The following KRTCAP2 variants were observed in gnomAD, a reference collection of about 807,000 sequenced individuals.
KRTCAP2 encodes keratinocyte associated protein 2, also known as dolichyl-diphosphooligosaccharide--protein glycosyltransferase subunit KCP2.
Under a neutral mutation model 16.5 loss-of-function variants are expected in KRTCAP2, and 10 were observed. The observed-to-expected ratio is 0.60, with a 90% CI of 0.37 to 1.02. The LOEUF (loss-of-function observed/expected upper bound fraction) is 1.02, where lower values mean the gene tolerates loss of function less well. KRTCAP2 is among the 50% of genes least tolerant of loss of function. The pLI, the probability that KRTCAP2 is intolerant of heterozygous loss-of-function variation, is 0.01. For synonymous variants in KRTCAP2, 68 were observed against 69.8 expected (o/e 0.97, Z 0.13); for missense variants, 152 against 159.6 (o/e 0.95, Z 0.26).
rs779612494 is a variant in KRTCAP2, at chr1:155,172,864, G to C, written c.33C>G (p.Leu11=). ...AGAGCAGCAGGGACAGGAGGGAGGA[G>C]AGCGCCAGCGAGGTGCCCGTACCCA... The part of the protein sequence containing the change: MVVGTGTSLA[L]SSLLSLLLFA... The change falls in exon 2 of 5, where the codon CTC becomes CTG. Residue 11 remains leucine (L), a synonymous_variant. Transcript: ENST00000295682. 8 of 1,614,136 alleles carry C rather than the reference G, an allele frequency of 5.0e-6. No homozygotes were observed. The highest frequency in any genetic ancestry group is 1.1e-5 in the South Asian group (1 of 91,084).
chr1:155,172,305 T>C (rs887968995), intron 3 of KRTCAP2: 2 of 1,332,452 alleles, frequency 1.5e-6, no homozygotes, highest in African/African-American at 3.0e-5. Context: ...CAGCCCAAAT[T>C]TGCCTGTTCC....
At position 155,173,236 on chromosome 1, in the gene KRTCAP2, C is replaced by T. The variant is rs144579240; in HGVS notation, c.-12G>A. 9.2e-5 allele frequency: 148 copies of T among 1,613,986 alleles called. 1 individual carries two copies. The South Asian group carries it at 1.5e-3, about 17-fold the overall frequency. ...GTCCTGTTACCCATCATGCCCCGCC[C>T]GTGAGTCCAACCGGCGCCTCTGGCC... On this transcript the variant is annotated 5_prime_UTR_variant, in exon 1 of 5. Transcript: ENST00000295682.
At chr1:155,170,169 A>C in intron 3 of KRTCAP2, 1 of 232,244 alleles carries the variant, frequency 4.3e-6, no homozygotes, top group Non-Finnish European at 8.6e-6. Flanking sequence ...AAAAAAAAAA[A>C]TTGAATTAAA....
At chr1:155,172,443 C>T (rs1665285611) in intron 3 of KRTCAP2, 122 bp downstream of exon 3, 1 of 1,556,088 alleles carries the variant, frequency 6.4e-7, no homozygotes, top group Admixed American at 1.9e-5. Flanking sequence ...TGTCTTCAGA[C>T]AGCTTCAGTA....
rs1369810949 is a variant in KRTCAP2, at chr1:155,169,885, C to T, written c.224-28G>A. ...AGGGAGGCAAGAAGAACAAGGAGGG[C>T]AACGGTCAGAATGGAAATACTAGGC... On this transcript the variant is annotated intron_variant, in intron 3 of 4. Transcript: ENST00000295682. 6 of 1,496,222 alleles carry T rather than the reference C, an allele frequency of 4.0e-6. No homozygotes were observed. The East Asian group carries it at 9.5e-5, about 24-fold the overall frequency. 92.7% of individuals were successfully genotyped at this position (1,496,222 alleles called of 1,614,324 possible).
chr1:155,171,738 G>T, intron 3 of KRTCAP2: 1 of 527,176 alleles, frequency 1.9e-6, no homozygotes, highest in Non-Finnish European at 2.4e-6. Flanking sequence ...CTCACTGGTA[G>T]TCCCAGCTAC....
intron 3 of KRTCAP2, chr1:155,171,990 A>G: frequency 1.0e-6 from 1 of 988,308 alleles, no homozygotes; most frequent in Non-Finnish European, 1.2e-6. Flanking sequence ...TGGCCTTGAC[A>G]CTTAATTTGC....
rs745791834 is a variant in KRTCAP2, at chr1:155,173,242, T to C, written c.-18A>G. On this transcript the variant is annotated 5_prime_UTR_variant, in exon 1 of 5. Transcript: ENST00000295682. ...TTACCCATCATGCCCCGCCCGTGAG[T>C]CCAACCGGCGCCTCTGGCCAAGAAA... 1 of 1,613,972 alleles carries C rather than the reference T, an allele frequency of 6.2e-7. No homozygotes were observed. The highest frequency in any genetic ancestry group is 8.5e-7 in the Non-Finnish European group (1 of 1,180,008).
At position 155,169,490 on chromosome 1, in the gene KRTCAP2, G is replaced by A. The variant is rs1169758552; in HGVS notation, c.361C>T (p.Pro121Ser). 1.9e-6 allele frequency: 3 copies of A among 1,614,122 alleles called. No homozygotes were observed. Among genetic ancestry groups the A allele is most frequent in the Middle Eastern group, 1.7e-4 (1 of 6,060 alleles). The change falls in exon 5 of 5, where the codon CCA (proline) becomes TCA (serine). Residue 121 changes from proline (P) to serine (S), a missense_variant. Physicochemically the swap from Pro to Ser is moderately conservative, Grantham distance 74. Transcript: ENST00000295682. ...ISSTLYQAAA[P>S]VLTPAKVTGK... ...GTGACCTTGGCTGGTGTGAGGACTG[G>A]AGCTGCTGCCTGGTACAGGGTGGAG...
intron 1 of KRTCAP2, 39 bp from the exon 2 acceptor site, chr1:155,172,931 G>T: frequency 6.2e-7 from 1 of 1,605,244 alleles, no homozygotes. Context: ...GTCAGGCTCC[G>T]CCCTCCCTCC....
intron 3 of KRTCAP2, chr1:155,170,357 A>AT (rs2147766578): frequency 6.6e-6 from 1 of 152,634 alleles, no homozygotes; most frequent in Non-Finnish European, 1.5e-5. Context: ...AAAAAAAAAA[A>AT]AAAAGAACAT....
intron 1 of KRTCAP2, 31 bp from the exon 2 acceptor site, chr1:155,172,923 C>G: frequency 6.2e-7 from 1 of 1,608,798 alleles, no homozygotes; most frequent in Non-Finnish European, 8.5e-7. Context: ...GACGGAGAGT[C>G]AGGCTCCGCC....
intron 3 of KRTCAP2, chr1:155,171,970 T>G: frequency 1.0e-6 from 1 of 987,036 alleles, no homozygotes; most frequent in Non-Finnish European, 1.2e-6. Context: ...GTGGCATTCC[T>G]TAAGTAATCT....
rs1179282796 is a variant in KRTCAP2 at position 155,172,792 on chromosome 1, C to T, written c.105G>A (p.Trp35Ter). ...MYSRQLASTE[W>*]LTIQGGLLGS... ...CAAGCAGGCCGCCCTGGATGGTGAG[C>T]CACTCGGTGGAGGCCAGCTGACGGC... The change falls in exon 2 of 5, where the codon TGG becomes TGA. Residue 35 changes from tryptophan to a stop codon, truncating the protein, a stop_gained. Transcript: ENST00000295682. LOFTEE classifies it high-confidence loss of function. 1 of 1,614,238 alleles carries T rather than the reference C, an allele frequency of 6.2e-7. No individual in the cohort carries two copies. Among genetic ancestry groups the T allele is most frequent in the African/African-American group, 1.3e-5 (1 of 75,054 alleles).
At chr1:155,170,245 T>A (rs1385502726) in intron 3 of KRTCAP2, 2 of 159,564 alleles carry the variant, frequency 1.3e-5, no homozygotes, top group African/African-American at 4.9e-5. Flanking sequence ...GAGGCTGAAG[T>A]TGGAGGAACC....
chr1:155,169,535 A>G lies in KRTCAP2; in HGVS notation c.316T>C (p.Tyr106His). ...GTGGAGGAGATCTTGTTGATGTAGT[A>G]CAGACCAACCATGGAGAAGATGAAG... ...TCFIFSMVGL[Y>H]YINKISSTLY... The change falls in exon 5 of 5, where the codon TAC becomes CAC. Residue 106 changes from tyrosine (Y) to histidine (H), a missense_variant. Coordinates refer to ENST00000295682, the MANE Select transcript of KRTCAP2 (RefSeq NM_173852.4). The G allele has an allele frequency of 6.2e-7, 1 of 1,614,148 alleles. No individual in the cohort carries two copies. Among genetic ancestry groups the G allele is most frequent in the Non-Finnish European group, 8.5e-7 (1 of 1,179,996 alleles).
intron 3 of KRTCAP2, 115 bp from the exon 4 acceptor site, chr1:155,169,972 AG>A (rs1665188451): frequency 1.5e-6 from 1 of 681,342 alleles, no homozygotes; most frequent in African/African-American, 1.8e-5. Context: ...CCTGCTTAGA[AG>A]GGTAAGCGTG....
chr1:155,172,650 T>C (rs771578424), intron 2 of KRTCAP2, 22 bp from the exon 3 acceptor site: 2 of 1,613,592 alleles, frequency 1.2e-6, no homozygotes, highest in South Asian at 2.2e-5. Context: ...AGTTAAGGAG[T>C]AGGGTGTGCA....
rs1441642970 is a variant in KRTCAP2 at position 155,172,795 on chromosome 1, C to T, written c.102G>A (p.Glu34=). The change falls in exon 2 of 5, where the codon GAG becomes GAA. Residue 34 remains glutamate (E), a synonymous_variant. Transcript: ENST00000295682. ...QMYSRQLAST[E]WLTIQGGLLG... is the part of the protein sequence containing the mutation. ...GCAGGCCGCCCTGGATGGTGAGCCA[C>T]TCGGTGGAGGCCAGCTGACGGCTGT... 6.2e-7 allele frequency: 1 copy of T among 1,614,252 alleles called. No individual in the cohort carries two copies. Among genetic ancestry groups the T allele is most frequent in the Middle Eastern group, 1.6e-4 (1 of 6,062 alleles).
Sources: allele counts gnomAD v4.1 joint callset, GRCh38; gene constraint gnomAD v4.1.1; transcripts MANE v1.5; gene names NCBI Gene and HGNC (gene_info 2026-07-23, HGNC 2026-07-21).